The following CDH18 variants were observed in gnomAD, a reference collection of about 807,000 sequenced individuals.
The protein encoded by CDH18 is cadherin 18, also known as cadherin-18.
CDH18 carries 31 observed loss-of-function variants against 67.9 expected under a neutral mutation model. The ratio of observed to expected loss-of-function variants is 0.46; its 90% CI spans 0.34 to 0.62. The LOEUF is 0.62. Ranked by LOEUF, CDH18 falls within the 20% of genes least tolerant of loss-of-function variation. The pLI is 0.01. For synonymous variants in CDH18, 362 were observed against 347.2 expected (o/e 1.04, Z -0.48); for missense variants, 890 against 975.5 (o/e 0.91, Z 1.17).
chr5:20,150,668 A>G (rs2126566019), intron 2 of CDH18, among the ~76,000 whole-genome samples: 1 of 152,106 alleles, frequency 6.6e-6, no homozygotes, highest in African/African-American at 2.4e-5. Flanking sequence ...GGTTCTGTGT[A>G]TATTGAAAAT....
chr5:20,112,004 C>T (rs1280803956), intron 2 of CDH18, among the ~76,000 whole-genome samples: 1 of 152,146 alleles, frequency 6.6e-6, no homozygotes, highest in Non-Finnish European at 1.5e-5. Flanking sequence ...TGTCAGTTAA[C>T]AGCATCATGC....
At chr5:20,147,375 T>C (rs1750728637) in intron 2 of CDH18, among the ~76,000 whole-genome samples, 1 of 152,132 alleles carries the variant, frequency 6.6e-6, no homozygotes, top group Non-Finnish European at 1.5e-5. Flanking sequence ...TCCATTCTTA[T>C]ACCCTCTAGC....
chr5:19,994,460 T>C (rs936259058), intron 2 of CDH18, among the ~76,000 whole-genome samples: 7 of 150,868 alleles, frequency 4.6e-5, no homozygotes, highest in Middle Eastern at 3.5e-3. Flanking sequence ...ATATAAACAA[T>C]GCTTTAATGA....
intron 2 of CDH18, among the ~76,000 whole-genome samples, chr5:20,019,311 T>C (rs190500420): frequency 6.6e-5 from 10 of 152,324 alleles, no homozygotes; most frequent in Admixed American, 3.9e-4. Context: ...GACTACTAAA[T>C]TAATGAGATC....
At chr5:20,519,595 A>G (rs1755600318) in intron 1 of CDH18, among the ~76,000 whole-genome samples, 1 of 152,136 alleles carries the variant, frequency 6.6e-6, no homozygotes, top group South Asian at 2.1e-4. Context: ...CATTGTGCAC[A>G]TATACCCTAA....
At chr5:20,311,017 A>G (rs1039459098) in intron 1 of CDH18, among the ~76,000 whole-genome samples, 2 of 152,200 alleles carry the variant, frequency 1.3e-5, no homozygotes, top group African/African-American at 4.8e-5. Context: ...TCATCCTTGA[A>G]TAGTTTAGAA....
At chr5:19,936,251 G>A (rs775146239) in intron 2 of CDH18, among the ~76,000 whole-genome samples, 9 of 151,200 alleles carry the variant, frequency 6.0e-5, no homozygotes, top group Non-Finnish European at 1.0e-4. Context: ...AAGTGCAACA[G>A]CCTGTTTTTG....
At chr5:19,829,416 C>T (rs910488208) in intron 3 of CDH18, among the ~76,000 whole-genome samples, 1 of 152,080 alleles carries the variant, frequency 6.6e-6, no homozygotes, top group African/African-American at 2.4e-5. Flanking sequence ...TATACAAGAA[C>T]AACATCCAAG....
chr5:20,255,615 C>A (rs1744174071), intron 1 of CDH18: 1 of 151,252 alleles, frequency 6.6e-6, no homozygotes, highest in Non-Finnish European at 1.5e-5. Flanking sequence ...GTTTGGAGAG[C>A]AAATACATTT....
chr5:19,700,830 A>C (rs1015274952), intron 5 of CDH18, among the ~76,000 whole-genome samples: 2 of 152,206 alleles, frequency 1.3e-5, no homozygotes, highest in East Asian at 3.9e-4. Context: ...TTTCTTTAAA[A>C]TCCATACTTG....
chr5:20,572,687 G>A (rs10473433), intron 1 of CDH18, among the ~76,000 whole-genome samples: 16,767 of 152,088 alleles, frequency 0.11, 1,182 homozygotes, highest in African/African-American at 0.19. Context: ...GGTTTGATGA[G>A]TATAACACAG....
At chr5:20,355,168 G>A (rs1741513387) in intron 1 of CDH18, among the ~76,000 whole-genome samples, 1 of 152,124 alleles carries the variant, frequency 6.6e-6, no homozygotes, top group Admixed American at 6.5e-5. Context: ...CAAATGCCCT[G>A]CATATCTAAC....
At chr5:19,808,701 C>G (rs1168673299) in intron 3 of CDH18, among the ~76,000 whole-genome samples, 1 of 151,272 alleles carries the variant, frequency 6.6e-6, no homozygotes, top group Non-Finnish European at 1.5e-5. Context: ...CATGGTGGCG[C>G]ACACCTGTGA....
At chr5:20,431,137 G>A (rs1174825509) in intron 1 of CDH18, among the ~76,000 whole-genome samples, 1 of 152,046 alleles carries the variant, frequency 6.6e-6, no homozygotes, top group African/African-American at 2.4e-5. Context: ...GACAATCTCA[G>A]ACTAATAGCT....
chr5:20,328,974 T>C (rs1038737491), intron 1 of CDH18, among the ~76,000 whole-genome samples: 2 of 152,172 alleles, frequency 1.3e-5, no homozygotes, highest in Admixed American at 6.5e-5. Context: ...GAGTAAGATC[T>C]CATCTCAGAA....
intron 2 of CDH18, among the ~76,000 whole-genome samples, chr5:20,132,389 A>C (rs1749340788): frequency 6.6e-6 from 1 of 152,128 alleles, no homozygotes; most frequent in Non-Finnish European, 1.5e-5. Flanking sequence ...TTTCTCTATT[A>C]TTCATATATT....
intron 2 of CDH18, among the ~76,000 whole-genome samples, chr5:20,160,022 T>C (rs554562805): frequency 6.6e-6 from 1 of 152,296 alleles, no homozygotes; most frequent in South Asian, 2.1e-4. Flanking sequence ...GTTTAAAATT[T>C]GAATGAGACA....
At chr5:20,097,681 T>A (rs1360997741) in intron 2 of CDH18, among the ~76,000 whole-genome samples, 1 of 152,194 alleles carries the variant, frequency 6.6e-6, no homozygotes, top group Non-Finnish European at 1.5e-5. Flanking sequence ...TAAATTGTCA[T>A]TTGCCAACAT....
At chr5:19,692,022 T>C (rs1761955491) in intron 5 of CDH18, among the ~76,000 whole-genome samples, 1 of 151,840 alleles carries the variant, frequency 6.6e-6, no homozygotes, top group Non-Finnish European at 1.5e-5. Context: ...GGTATTGGTA[T>C]AAAAACAGGC....
Sources: gnomAD v4.1 joint callset for allele counts (sites outside exome capture counted in the v4.1 genomes callset) on GRCh38, gnomAD v4.1.1 for gene constraint, MANE v1.5 for transcripts, NCBI Gene and HGNC (gene_info 2026-07-23, HGNC 2026-07-21) for gene names.